The following PIP4K2A variants were observed in gnomAD, a reference collection of about 807,000 sequenced individuals.
The protein encoded by PIP4K2A is phosphatidylinositol-5-phosphate 4-kinase type 2 alpha.
Under a neutral mutation model 42.9 loss-of-function variants are expected in PIP4K2A, and 14 were observed. The observed-to-expected ratio is 0.33, with a 90% confidence interval of 0.22 to 0.51. The LOEUF (loss-of-function observed/expected upper bound fraction) is 0.51. PIP4K2A is among the 20% of genes least tolerant of loss of function. The probability of loss-of-function intolerance (pLI) is 0.97; values close to 1 mark genes in which losing one functional copy is unlikely to be tolerated. For synonymous variants in PIP4K2A, 192 were observed against 192.2 expected (o/e 1.00, Z 0.01); for missense variants, 434 against 519.8 (o/e 0.83, Z 1.61).
At chr10:22,577,688 G>A in intron 4 of PIP4K2A, among the ~76,000 whole-genome samples, 1 of 152,196 alleles carries the variant, frequency 6.6e-6, no homozygotes, top group East Asian at 1.9e-4. Context: ...CCTTCTGAGA[G>A]TGGTCTCTCC....
At chr10:22,573,496 T>G in intron 4 of PIP4K2A, 39 bp from the exon 5 acceptor site, 1 of 1,569,932 alleles carries the variant, frequency 6.4e-7, no homozygotes, top group Non-Finnish European at 8.7e-7. Context: ...AAACATCCAA[T>G]CAAAAGATTG....
chr10:22,655,521 G>C (rs1253920111), intron 1 of PIP4K2A, among the ~76,000 whole-genome samples: 1 of 152,160 alleles, frequency 6.6e-6, no homozygotes, highest in Non-Finnish European at 1.5e-5. Context: ...TAAAATTACA[G>C]GTAAGTATAA....
intron 1 of PIP4K2A, among the ~76,000 whole-genome samples, chr10:22,660,470 C>CA (rs1351453227): frequency 6.6e-6 from 1 of 151,198 alleles, no homozygotes; most frequent in Non-Finnish European, 1.5e-5. Context: ...GACTCCATCT[C>CA]AAAAAAATAA....
chr10:22,560,496 G>A (rs1054806431), intron 6 of PIP4K2A, among the ~76,000 whole-genome samples: 3 of 152,288 alleles, frequency 2.0e-5, no homozygotes, highest in East Asian at 1.9e-4. Context: ...TAATCCTCTC[G>A]AACCCTCAGT....
At chr10:22,622,491 G>A (rs1237410011) in intron 1 of PIP4K2A, among the ~76,000 whole-genome samples, 6 of 152,226 alleles carry the variant, frequency 3.9e-5, no homozygotes, top group East Asian at 3.9e-4. Flanking sequence ...GCCCTCTGCC[G>A]CTGTCCCCTG....
chr10:22,668,787 G>A (rs1230094765), intron 1 of PIP4K2A, among the ~76,000 whole-genome samples: 2 of 152,096 alleles, frequency 1.3e-5, no homozygotes, highest in African/African-American at 4.8e-5. Flanking sequence ...AAACACGAAT[G>A]GGAATTTATA....
intron 8 of PIP4K2A, among the ~76,000 whole-genome samples, chr10:22,540,498 G>A (rs1271188726): frequency 6.6e-6 from 1 of 151,964 alleles, no homozygotes; most frequent in African/African-American, 2.4e-5. Flanking sequence ...TGGTAGAACT[G>A]TTCATAATTC....
chr10:22,612,057 C>T (rs1024656666), intron 1 of PIP4K2A, among the ~76,000 whole-genome samples: 2 of 152,214 alleles, frequency 1.3e-5, no homozygotes, highest in African/African-American at 4.8e-5. Context: ...ATGGTACCTG[C>T]TCTGGAACAT....
chr10:22,670,294 G>A (rs965719084), intron 1 of PIP4K2A, among the ~76,000 whole-genome samples: 2 of 152,076 alleles, frequency 1.3e-5, no homozygotes, highest in Non-Finnish European at 2.9e-5. Context: ...TGGGAGGATC[G>A]CTTGAGCCCA....
intron 1 of PIP4K2A, among the ~76,000 whole-genome samples, chr10:22,681,982 CTT>C (rs1839671502): frequency 6.6e-6 from 1 of 152,036 alleles, no homozygotes; most frequent in Non-Finnish European, 1.5e-5. Context: ...TTATGAAATA[CTT>C]TTTTAGAAAA....
chr10:22,625,593 T>A (rs1838421006), intron 1 of PIP4K2A, among the ~76,000 whole-genome samples: 1 of 152,120 alleles, frequency 6.6e-6, no homozygotes, highest in Admixed American at 6.5e-5. Context: ...AACAGGATAT[T>A]TGGCGGTGGG....
At chr10:22,634,946 C>T (rs942369402) in intron 1 of PIP4K2A, among the ~76,000 whole-genome samples, 1 of 152,100 alleles carries the variant, frequency 6.6e-6, no homozygotes, top group Non-Finnish European at 1.5e-5. Flanking sequence ...ATAATGACTG[C>T]ACTTTAACTG....
At chr10:22,619,439 C>CTTTTTTTTT (rs746519034) in intron 1 of PIP4K2A, among the ~76,000 whole-genome samples, 5 of 137,490 alleles carry the variant, frequency 3.6e-5, no homozygotes, top group South Asian at 2.3e-4. Flanking sequence ...TTTCTTTTTT[C>CTTTTTTTTT]TTTTTTTTTT....
chr10:22,539,619 A>G (rs1836038945), intron 9 of PIP4K2A: 1 of 209,776 alleles, frequency 4.8e-6, no homozygotes, highest in Non-Finnish European at 9.6e-6. Context: ...AATTTGTGTA[A>G]CATCCTAGTG....
intron 6 of PIP4K2A, among the ~76,000 whole-genome samples, chr10:22,555,285 G>A (rs777414109): frequency 2.6e-5 from 4 of 152,116 alleles, no homozygotes; most frequent in Non-Finnish European, 5.9e-5. Flanking sequence ...GGCAAGTTAA[G>A]TTACCTCTCT....
rs539015396 is a variant in PIP4K2A, at chr10:22,672,482, G to T, written c.144+41701C>A. Among the ~76,000 whole-genome samples the T allele has an allele frequency of 2.0e-5, 3 of 152,312 alleles. No individual in the cohort carries two copies. In the East Asian group the frequency reaches 5.8e-4, roughly 29 times the overall value. Reference sequence around the variant, plus strand: ...TATGTGCATATTTCTTGCTAATGCTGATTTTTAAATTACAATACTTGAATG... The same window carrying T: ...TATGTGCATATTTCTTGCTAATGCTTATTTTTAAATTACAATACTTGAATG... On this transcript the variant is annotated intron_variant, in intron 1 of 9. Transcript: ENST00000376573.
chr10:22,572,195 C>T (rs927226695), intron 5 of PIP4K2A, among the ~76,000 whole-genome samples: 1 of 152,200 alleles, frequency 6.6e-6, no homozygotes, highest in Non-Finnish European at 1.5e-5. Flanking sequence ...AGTGGGTAAA[C>T]GTTTTAGGCT....
intron 1 of PIP4K2A, among the ~76,000 whole-genome samples, chr10:22,610,243 T>G (rs896227907): frequency 3.3e-5 from 5 of 152,118 alleles, no homozygotes; most frequent in African/African-American, 7.2e-5. Context: ...AAGAAGAACC[T>G]CCATTCAGGG....
chr10:22,630,287 A>T (rs929153555), intron 1 of PIP4K2A, among the ~76,000 whole-genome samples: 2 of 152,152 alleles, frequency 1.3e-5, no homozygotes, highest in Non-Finnish European at 2.9e-5. Context: ...TGGTAATGAT[A>T]CAATGCCATT....
Sources: allele counts gnomAD v4.1 joint callset (sites outside exome capture counted in the v4.1 genomes callset), GRCh38; gene constraint gnomAD v4.1.1; transcripts MANE v1.5; gene names NCBI Gene and HGNC (gene_info 2026-07-23, HGNC 2026-07-21).